Variants in KIAA1328 observed in about 807,000 individuals in gnomAD.
The protein encoded by KIAA1328 is protein hinderin.
KIAA1328 carries 52 observed loss-of-function variants against 68.1 expected under a neutral mutation model. The observed-to-expected ratio is 0.76, with a 90% confidence interval of 0.61 to 0.96. The LOEUF is 0.96. Ranked by LOEUF, KIAA1328 falls within the 40% of genes least tolerant of loss-of-function variation. The pLI, the probability that KIAA1328 is intolerant of heterozygous loss-of-function variation, is 0.00. For synonymous variants in KIAA1328, 232 were observed against 239.4 expected, an observed-to-expected ratio of 0.97 and a Z score of 0.28; for missense variants, 641 against 677.6, an observed-to-expected ratio of 0.95 and a Z score of 0.60.
At chr18:37,212,978 C>A (rs958809358) in intron 9 of KIAA1328, among the ~76,000 whole-genome samples, 1 of 152,156 alleles carries the variant, frequency 6.6e-6, no homozygotes, top group African/African-American at 2.4e-5. Context: ...CTCAGCCTCC[C>A]AAAGTGCTGG....
chr18:37,027,418 T>C (rs2054629877), intron 6 of KIAA1328, among the ~76,000 whole-genome samples: 1 of 152,228 alleles, frequency 6.6e-6, no homozygotes, highest in Non-Finnish European at 1.5e-5. Context: ...AAGTCAATCC[T>C]AAAACAAAAG....
intron 6 of KIAA1328, among the ~76,000 whole-genome samples, chr18:37,051,531 TAAC>T (rs2055693714): frequency 6.6e-6 from 1 of 152,058 alleles, no homozygotes; most frequent in South Asian, 2.1e-4. Flanking sequence ...ACAGACCAAA[TAAC>T]GAGTTATGAA....
chr18:37,029,568 G>A (rs2054739284), intron 6 of KIAA1328, among the ~76,000 whole-genome samples: 1 of 152,112 alleles, frequency 6.6e-6, no homozygotes. Flanking sequence ...GTTTCACCGT[G>A]TTGCCAGGTA....
intron 4 of KIAA1328, among the ~76,000 whole-genome samples, chr18:36,882,199 T>C (rs965556722): frequency 6.6e-6 from 1 of 152,190 alleles, no homozygotes; most frequent in African/African-American, 2.4e-5. Flanking sequence ...TGACATCAGG[T>C]AACAGAAACC....
Position 37,130,038 on chromosome 18 carries a change from AGAG to A in KIAA1328, c.1233-30157_1233-30155del, listed in dbSNP as rs1248680556. Among the ~76,000 whole-genome samples the A allele has an allele frequency of 3.9e-5, 6 of 152,308 alleles. No homozygotes were observed. The East Asian group carries it at 1.2e-3, about 29-fold the overall frequency. ...ATAATTAGTAAAGCGAGATATGAGG[AGAG>A]GAGGGAGAGGTCTGAGCTAAATACT... is the stretch of plus-strand genomic sequence containing the variant. On this transcript the variant is annotated intron_variant, in intron 7 of 9. Transcript: ENST00000280020.
At chr18:37,038,557 C>T (rs948619083) in intron 6 of KIAA1328, among the ~76,000 whole-genome samples, 3 of 152,000 alleles carry the variant, frequency 2.0e-5, no homozygotes, top group African/African-American at 7.2e-5. Flanking sequence ...TGTAATTGAT[C>T]TTGTACTCTG....
At chr18:37,178,509 C>T (rs978835005) in intron 9 of KIAA1328, among the ~76,000 whole-genome samples, 12 of 152,148 alleles carry the variant, frequency 7.9e-5, no homozygotes, top group African/African-American at 2.9e-4. Context: ...TAGGTTGATT[C>T]CATATCTTGG....
rs775574588 is a variant in KIAA1328 at position 37,067,529 on chromosome 18, C to T, written c.1216C>T (p.Arg406Ter). Residue 406 changes from arginine to a stop codon, truncating the protein, a stop_gained, in exon 7 of 10, where the codon CGA (arginine) becomes TGA (stop). Coordinates refer to ENST00000280020, the MANE Select transcript of KIAA1328 (RefSeq NM_020776.3). LOFTEE classifies it high-confidence loss of function. The stretch of plus-strand genomic sequence containing the variant: ...AAAACAGCAGCAGCTTCACCAGTCT[C>T]GACTGGATTACAATTGGTGAGTACT... ...LLKQQQLHQSRLDYNCLLKSN... is the reference protein window; with the variant it reads ...LLKQQQLHQS 1.5e-5 allele frequency: 23 copies of T among 1,530,596 alleles called. No individual in the cohort carries two copies. The highest frequency in any genetic ancestry group is 1.2e-4 in the Admixed American group (6 of 49,696). 94.8% of individuals were successfully genotyped at this position (1,530,596 alleles called of 1,614,324 possible). A position where few individuals can be genotyped will look rare whatever the true frequency, so the allele number is the denominator to read the frequency against.
intron 8 of KIAA1328, among the ~76,000 whole-genome samples, chr18:37,167,519 C>T (rs567751596): frequency 1.8e-3 from 269 of 152,216 alleles, no homozygotes; most frequent in Non-Finnish European, 3.3e-3. Context: ...GCTGGACTCT[C>T]TTCCAACCGC....
chr18:37,193,749 T>C (rs2059951092), intron 9 of KIAA1328: 1 of 617,336 alleles, frequency 1.6e-6, no homozygotes, highest in African/African-American at 1.9e-5. Context: ...GAAAACTGAA[T>C]TGTTTTGAAA....
intron 9 of KIAA1328, among the ~76,000 whole-genome samples, chr18:37,203,361 A>G (rs2060150891): frequency 6.6e-6 from 1 of 151,876 alleles, no homozygotes; most frequent in Admixed American, 6.6e-5. Context: ...ATTTGGTTTT[A>G]TCTATCATTC....
intron 7 of KIAA1328, among the ~76,000 whole-genome samples, chr18:37,088,158 T>G (rs932476126): frequency 2.0e-5 from 3 of 152,224 alleles, no homozygotes; most frequent in African/African-American, 7.2e-5. Context: ...TTGACTTTTC[T>G]GCTTGGCTAG....
intron 5 of KIAA1328, chr18:36,895,867 C>A: frequency 2.2e-6 from 1 of 445,970 alleles, no homozygotes; most frequent in Non-Finnish European, 4.5e-6. Flanking sequence ...ACACACCACA[C>A]CCCCACGTTG....
At chr18:37,211,888 G>T (rs1168326239) in intron 9 of KIAA1328, among the ~76,000 whole-genome samples, 2 of 151,982 alleles carry the variant, frequency 1.3e-5, no homozygotes, top group East Asian at 3.9e-4. Context: ...ACCTCTAAAA[G>T]GTTTATTTCT....
intron 4 of KIAA1328, among the ~76,000 whole-genome samples, chr18:36,883,262 T>TTAAATTTTAAATTTTTTTTAAA (rs2048379160): frequency 6.6e-6 from 1 of 152,188 alleles, no homozygotes; most frequent in African/African-American, 2.4e-5. Context: ...TTAAAATGTT[T>TTAAATTTTAAATTTTTTTTAAA]TGAGCACTGG....
chr18:37,100,439 T>C (rs2057572240), intron 7 of KIAA1328, among the ~76,000 whole-genome samples: 3 of 152,138 alleles, frequency 2.0e-5, no homozygotes, highest in African/African-American at 7.2e-5. Context: ...CAGCAGTCTG[T>C]GATCAAACTG....
chr18:37,203,481 A>G (rs2060153204), intron 9 of KIAA1328, among the ~76,000 whole-genome samples: 1 of 152,140 alleles, frequency 6.6e-6, no homozygotes, highest in South Asian at 2.1e-4. Flanking sequence ...GACTTTTCTT[A>G]TATATTCTGT....
At chr18:37,052,256 A>G (rs1479836821) in intron 6 of KIAA1328, among the ~76,000 whole-genome samples, 1 of 152,192 alleles carries the variant, frequency 6.6e-6, no homozygotes, top group Non-Finnish European at 1.5e-5. Context: ...TGATCACCTC[A>G]ATAGATGCAG....
intron 7 of KIAA1328, among the ~76,000 whole-genome samples, chr18:37,146,573 T>A (rs2058907680): frequency 6.6e-6 from 1 of 152,202 alleles, no homozygotes; most frequent in South Asian, 2.1e-4. Flanking sequence ...GGTAGAATGA[T>A]TTATATTCCT....
Sources: allele counts gnomAD v4.1 joint callset (sites outside exome capture counted in the v4.1 genomes callset), GRCh38; gene constraint gnomAD v4.1.1; transcripts MANE v1.5; gene names NCBI Gene and HGNC (gene_info 2026-07-23, HGNC 2026-07-21).